Variants in YTHDC2 observed in about 807,000 individuals in gnomAD.
YTHDC2 encodes 3'-5' RNA helicase YTHDC2.
YTHDC2 carries 45 observed loss-of-function variants against 174.9 expected under a neutral mutation model. The observed-to-expected ratio is 0.26, with a 90% CI of 0.20 to 0.33. YTHDC2 has a LOEUF of 0.33. Among genes scored for constraint, YTHDC2 ranks in the 10% least tolerant of loss-of-function variants. The pLI, the probability that YTHDC2 is intolerant of heterozygous loss-of-function variation, is 1.00. For synonymous variants in YTHDC2, 657 were observed against 574.5 expected (o/e 1.14, Z -2.05); for missense variants, 1,650 against 1,723.7 (o/e 0.96, Z 0.76).
intron 6 of YTHDC2, 65 bp downstream of exon 6, chr5:113,534,472 T>C: frequency 1.4e-6 from 2 of 1,414,606 alleles, no homozygotes; most frequent in Admixed American, 3.5e-5. Flanking sequence ...ACATATGCCG[T>C]TTCAGGATAG....
intron 4 of YTHDC2, among the ~76,000 whole-genome samples, chr5:113,529,921 C>A (rs2112568683): frequency 6.6e-6 from 1 of 152,036 alleles, no homozygotes; most frequent in East Asian, 1.9e-4. Context: ...GATTAATGGA[C>A]ATTTTCTGTA....
At position 113,587,527 on chromosome 5, in the gene YTHDC2, A is replaced by T. The variant is rs960384347; in HGVS notation, c.3825+3048A>T. Among the ~76,000 whole-genome samples, 2 of 137,898 alleles carry T rather than the reference A, an allele frequency of 1.5e-5. 1 individual carries two copies. The highest frequency in any genetic ancestry group is 3.1e-5 in the Non-Finnish European group (2 of 65,374). 90.5% of individuals were successfully genotyped at this position (137,898 alleles called of 152,430 possible). On this transcript the variant is annotated intron_variant, in intron 26 of 29. Coordinates refer to ENST00000161863, the MANE Select transcript of YTHDC2 (RefSeq NM_022828.5). Reference sequence around the variant, plus strand: ...AATGTATTTATATGTAATATATATTATGTATTTATATATTAATATATTGTA... The same window carrying T: ...AATGTATTTATATGTAATATATATTTTGTATTTATATATTAATATATTGTA...
intron 26 of YTHDC2, among the ~76,000 whole-genome samples, chr5:113,588,272 T>C (rs1311208698): frequency 2.0e-5 from 3 of 152,138 alleles, no homozygotes; most frequent in Non-Finnish European, 4.4e-5. Flanking sequence ...TATCTTTCCC[T>C]TGATCTTAGG....
At chr5:113,556,624 A>G (rs907344741) in intron 17 of YTHDC2, among the ~76,000 whole-genome samples, 2 of 152,228 alleles carry the variant, frequency 1.3e-5, no homozygotes, top group Non-Finnish European at 2.9e-5. Flanking sequence ...TCAGATGGGC[A>G]TTGATGAAAA....
chr5:113,585,163 T>G lies in YTHDC2; in HGVS notation c.3825+684T>G, dbSNP rs111994647. Among the ~76,000 whole-genome samples the G allele has an allele frequency of 2.8e-3, 426 of 152,164 alleles. 3 individuals are homozygous for G. Among genetic ancestry groups the G allele is most frequent in the African/African-American group, 9.6e-3 (398 of 41,514 alleles). The stretch of plus-strand genomic sequence containing the variant: ...AATTTCAGAATCGAAAACAGTGGTT[T>G]CTTTCTATTGTTAATTGGTTTCTAC... On this transcript the variant is annotated intron_variant, in intron 26 of 29. Transcript: ENST00000161863.
At chr5:113,576,523 C>T (rs954400486) in intron 23 of YTHDC2, among the ~76,000 whole-genome samples, 1 of 152,250 alleles carries the variant, frequency 6.6e-6, no homozygotes, top group East Asian at 1.9e-4. Context: ...ATTCATGGTT[C>T]TTTCTCCATA....
At position 113,594,561 on chromosome 5, in the gene YTHDC2, G is replaced by T. The variant is rs1244693278; in HGVS notation, c.*1087G>T. On this transcript the variant is annotated 3_prime_UTR_variant, in exon 30 of 30. Coordinates refer to ENST00000161863, the MANE Select transcript of YTHDC2 (RefSeq NM_022828.5). ...TTTTTTTTTGTAAATCCGTGCTTGT[G>T]CCAAGTCTCATATTTCTTTGCCATC... 6.6e-6 allele frequency: 1 copy of T among 151,612 alleles called. No individual in the cohort carries two copies. Among genetic ancestry groups the T allele is most frequent in the Non-Finnish European group, 1.5e-5 (1 of 67,932 alleles). 9.4% of individuals were successfully genotyped at this position (151,612 alleles called of 1,614,324 possible).
intron 12 of YTHDC2, 105 bp downstream of exon 12, chr5:113,549,125 C>A: frequency 1.1e-6 from 1 of 948,252 alleles, no homozygotes; most frequent in Non-Finnish European, 1.5e-6. Flanking sequence ...AGTCTTTTAT[C>A]CAGAGATTTT....
chr5:113,567,538 C>A (rs1777427827), intron 22 of YTHDC2, 116 bp from the exon 23 acceptor site: 1 of 889,252 alleles, frequency 1.1e-6, no homozygotes, highest in Non-Finnish European at 1.6e-6. Context: ...TTAATTTTTG[C>A]TTACGTACTA....
In YTHDC2 at chr5:113,513,873, G is replaced by T. The variant is rs1387223158; in HGVS notation, c.-23G>T. ...CTAGCAGGCCTGGCCGCTCCCGTGC[G>T]GAGAGACCATCTCTTCAGGGCAATG... On this transcript the variant is annotated 5_prime_UTR_variant, in exon 1 of 30. Coordinates refer to ENST00000161863, the MANE Select transcript of YTHDC2 (RefSeq NM_022828.5). The T allele has an allele frequency of 1.9e-6, 3 of 1,582,064 alleles. No individual in the cohort carries two copies. The highest frequency in any genetic ancestry group is 2.6e-6 in the Non-Finnish European group (3 of 1,168,086).
chr5:113,546,054 A>G lies in YTHDC2; in HGVS notation c.1496-2487A>G, dbSNP rs1301239713. 3.9e-5 allele frequency among the ~76,000 whole-genome samples: 6 copies of G among 152,054 alleles called. No individual in the cohort carries two copies. The East Asian group carries it at 1.2e-3, about 29-fold the overall frequency. On this transcript the variant is annotated intron_variant, in intron 10 of 29. Transcript: ENST00000161863. ...CGCGCCCGGCCTGATCTCCATTTTTAAAAGTAACTTTTTGGATTTGAAAGT... is the reference window on the plus strand; with the variant it reads ...CGCGCCCGGCCTGATCTCCATTTTTGAAAGTAACTTTTTGGATTTGAAAGT...
At chr5:113,564,762 T>G (rs1023863984) in intron 20 of YTHDC2, among the ~76,000 whole-genome samples, 5 of 152,218 alleles carry the variant, frequency 3.3e-5, no homozygotes, top group African/African-American at 1.2e-4. Flanking sequence ...CTTGAAAACA[T>G]AGGCATTGTA....
intron 23 of YTHDC2, among the ~76,000 whole-genome samples, chr5:113,577,243 C>G (rs1465330655): frequency 6.6e-6 from 1 of 152,086 alleles, no homozygotes; most frequent in African/African-American, 2.4e-5. Flanking sequence ...GAAGCTCTAG[C>G]TGTAACTCTT....
intron 26 of YTHDC2, 49 bp from the exon 27 acceptor site, chr5:113,590,975 TTTAATGGAGCCTCTTGG>T: frequency 7.3e-7 from 1 of 1,367,656 alleles, no homozygotes; most frequent in South Asian, 1.3e-5. Flanking sequence ...GAAGATGTTA[TTTAATGGAGCCTCTTGG>T]TTTTGAAAGG....
At chr5:113,526,916 GTGGTTATTATAGTAA>G (rs1774298790) in intron 4 of YTHDC2, 131 bp downstream of exon 4, 1 of 221,490 alleles carries the variant, frequency 4.5e-6, no homozygotes, top group Non-Finnish European at 8.6e-6. Context: ...AAAGAAACTT[GTGGTTATTATAGTAA>G]TGGTTATTTC....
chr5:113,536,960 C>A (rs1292125544), intron 7 of YTHDC2, among the ~76,000 whole-genome samples: 1 of 152,082 alleles, frequency 6.6e-6, no homozygotes, highest in Non-Finnish European at 1.5e-5. Flanking sequence ...TTTTAAGCAC[C>A]TGCATAATAA....
rs1271554475 is a variant in YTHDC2 at position 113,593,996 on chromosome 5, T to C, written c.*522T>C. 6.6e-6 allele frequency: 1 copy of C among 152,178 alleles called. No homozygotes were observed. Among genetic ancestry groups the C allele is most frequent in the African/African-American group, 2.4e-5 (1 of 41,442 alleles). 9.4% of individuals were successfully genotyped at this position (152,178 alleles called of 1,614,324 possible). A position where few individuals can be genotyped will look rare whatever the true frequency, so the allele number is the denominator to read the frequency against. On this transcript the variant is annotated 3_prime_UTR_variant, in exon 30 of 30. Transcript: ENST00000161863. Reference sequence around the variant, plus strand: ...CTACAAGTGTCCCTTTTAAAAATAGTGTGTGCTAACTAAGGGCTATTCATT... The same window carrying C: ...CTACAAGTGTCCCTTTTAAAAATAGCGTGTGCTAACTAAGGGCTATTCATT...
intron 10 of YTHDC2, among the ~76,000 whole-genome samples, chr5:113,545,317 G>A (rs115727068): frequency 1.5e-3 from 226 of 151,918 alleles, no homozygotes; most frequent in African/African-American, 5.1e-3. Flanking sequence ...GTAAATGTGT[G>A]TTGGCTCCTA....
chr5:113,531,258 C>T (rs1269672527), intron 4 of YTHDC2, among the ~76,000 whole-genome samples: 1 of 152,182 alleles, frequency 6.6e-6, no homozygotes, highest in African/African-American at 2.4e-5. Context: ...GAGAGACATA[C>T]ACTGACACAG....
Sources: allele counts gnomAD v4.1 joint callset (sites outside exome capture counted in the v4.1 genomes callset), GRCh38; gene constraint gnomAD v4.1.1; transcripts MANE v1.5; gene names NCBI Gene and HGNC (gene_info 2026-07-23, HGNC 2026-07-21).